Variants in NCOR2 observed in about 807,000 individuals in gnomAD.
NCOR2 encodes CTG repeat protein 26.
In NCOR2, 81 loss-of-function variants were observed where a neutral mutation model predicts 262.9. The observed-to-expected ratio is 0.31, with a 90% CI of 0.26 to 0.37. The LOEUF (loss-of-function observed/expected upper bound fraction) is 0.37, where lower values mean the gene tolerates loss of function less well. Among genes scored for constraint, NCOR2 ranks in the 10% least tolerant of loss-of-function variants. The pLI, the probability that NCOR2 is intolerant of heterozygous loss-of-function variation, is 1.00. For synonymous variants in NCOR2, 1,659 were observed against 1,559.3 expected, an observed-to-expected ratio of 1.06 and a Z score of -1.51; for missense variants, 3,385 against 3,621.4, an observed-to-expected ratio of 0.93 and a Z score of 1.68.
intron 3 of NCOR2, among the ~76,000 whole-genome samples, chr12:124,477,084 G>A (rs1472497303): frequency 2.0e-5 from 3 of 152,070 alleles, no homozygotes; most frequent in African/African-American, 7.2e-5. Context: ...TGGTTGCCAG[G>A]AAAAAGGAGG....
intron 43 of NCOR2, chr12:124,332,053 C>T (rs1209982222): frequency 2.2e-6 from 1 of 461,448 alleles, no homozygotes; most frequent in Non-Finnish European, 4.0e-6. Context: ...TCCCAGTATT[C>T]ATGCAGGTAT....
rs1555297277 is a variant in NCOR2, at chr12:124,325,386, C to CCT, written c.*15_*16insAG. Reference sequence around the variant, plus strand: ...GCTGGGACCTGACACCGCCCCCCCCCCCGCCCTGTTCTGAGTCACTCGCTG... The same window carrying CCT: ...GCTGGGACCTGACACCGCCCCCCCCCCTCCGCCCTGTTCTGAGTCACTCGCTG... On this transcript the variant is annotated 3_prime_UTR_variant, in exon 47 of 47. Transcript: ENST00000405201. 5.4e-5 allele frequency: 32 copies of CCT among 589,734 alleles called. 2 individuals carry two copies. The highest frequency in any genetic ancestry group is 7.7e-5 in the East Asian group (2 of 26,098). The allele number at this position is 589,734 out of a possible 1,614,324, so 36.5% of individuals were successfully genotyped here. A position where few individuals can be genotyped will look rare whatever the true frequency, so the allele number is the denominator to read the frequency against.
At chr12:124,416,226 T>TA (rs139443720) in intron 13 of NCOR2, among the ~76,000 whole-genome samples, 53 of 149,162 alleles carry the variant, frequency 3.6e-4, no homozygotes, top group East Asian at 2.0e-4. Flanking sequence ...TTTCACAGGG[T>TA]AAAAAAAAAC....
intron 13 of NCOR2, among the ~76,000 whole-genome samples, chr12:124,405,241 T>C (rs1039335253): frequency 6.6e-6 from 1 of 152,118 alleles, no homozygotes; most frequent in African/African-American, 2.4e-5. Flanking sequence ...TCCCACATGG[T>C]CTCCCCTACC....
At chr12:124,511,868 G>A (rs1369352484) in intron 1 of NCOR2, among the ~76,000 whole-genome samples, 2 of 152,162 alleles carry the variant, frequency 1.3e-5, no homozygotes, top group Admixed American at 6.5e-5. Flanking sequence ...ATTTCCTAGG[G>A]CTGCCATAAA....
chr12:124,333,974 A>G lies in NCOR2; in HGVS notation c.6605+450T>C, dbSNP rs539754590. 9.8e-3 allele frequency among the ~76,000 whole-genome samples: 1,395 copies of G among 142,546 alleles called. 15 individuals carry two copies. Among genetic ancestry groups the G allele is most frequent in the African/African-American group, 0.034 (1,301 of 37,978 alleles). The allele number at this position is 142,546 out of a possible 152,430, so 93.5% of individuals were successfully genotyped here. On this transcript the variant is annotated intron_variant, in intron 41 of 46. Coordinates refer to ENST00000405201, the Ensembl canonical transcript of NCOR2. ...TGCACGTGTGTGTGTGCGGGTGCGC[A>G]TGTGTGCGGGTGTGCATGTGTGTGT...
rs1176981359 is a variant in NCOR2 at position 124,481,501 on chromosome 12, G to T, written c.411+2095C>A. Among the ~76,000 whole-genome samples, 1 of 152,204 alleles carries T rather than the reference G, an allele frequency of 6.6e-6. No individual in the cohort carries two copies. The highest frequency in any genetic ancestry group is 1.5e-5 in the Non-Finnish European group (1 of 68,010). On this transcript the variant is annotated intron_variant, in intron 3 of 46. Coordinates refer to ENST00000405201, the Ensembl canonical transcript of NCOR2. This position sits in a 1 kb window ranked among gnomAD's most constrained non-coding sequence, Gnocchi z 4.6. ...CCTGCCATGCAGGCCCTGGAGGGCA[G>T]CCAGGGCTGGAAGGAGCGAGGAAAG...
intron 8 of NCOR2, among the ~76,000 whole-genome samples, chr12:124,433,718 C>T (rs1418982714): frequency 1.3e-5 from 2 of 152,202 alleles, no homozygotes; most frequent in South Asian, 2.1e-4. Flanking sequence ...CAGCGCAGGG[C>T]GGGCAGCTCC....
At chr12:124,565,177 T>G (rs2052195357) in intron 1 of NCOR2, among the ~76,000 whole-genome samples, 1 of 152,146 alleles carries the variant, frequency 6.6e-6, no homozygotes, top group Non-Finnish European at 1.5e-5. Context: ...CATGGATTTA[T>G]CAATAGTATT....
At chr12:124,390,043 T>A (rs2136140826) in intron 16 of NCOR2, among the ~76,000 whole-genome samples, 1 of 152,292 alleles carries the variant, frequency 6.6e-6, no homozygotes, top group South Asian at 2.1e-4. Flanking sequence ...AGAAGGCGTC[T>A]CTGGAATGTC....
intron 17 of NCOR2, among the ~76,000 whole-genome samples, chr12:124,384,355 A>G (rs947830442): frequency 1.3e-5 from 2 of 152,236 alleles, no homozygotes; most frequent in African/African-American, 4.8e-5. Flanking sequence ...GGCCCGAAGC[A>G]TCCAGAAGGA....
chr12:124,437,271 A>C (rs529649838), intron 8 of NCOR2, among the ~76,000 whole-genome samples: 2 of 152,288 alleles, frequency 1.3e-5, no homozygotes, highest in East Asian at 3.9e-4. Context: ...AGCTGGGAGA[A>C]TACTCAACCC....
In NCOR2 at chr12:124,486,950, G is replaced by A. The variant is rs536580585; in HGVS notation, c.106-382C>T. On this transcript the variant is annotated intron_variant, in intron 1 of 46. Transcript: ENST00000405201. ...GCCTCTGTCTGCCGGCCATGCTGGC[G>A]TTGACTGGGGGGCCAGAGTAGAGGA... Among the ~76,000 whole-genome samples, 75 of 152,308 alleles carry A rather than the reference G, an allele frequency of 4.9e-4. 1 individual carries two copies. In the South Asian group the frequency reaches 0.014, roughly 29 times the overall value.
At chr12:124,341,484 G>A (rs2036454664) in intron 34 of NCOR2, among the ~76,000 whole-genome samples, 1 of 152,128 alleles carries the variant, frequency 6.6e-6, no homozygotes, top group Non-Finnish European at 1.5e-5. Context: ...TTATCCACCT[G>A]CCTCGCCCTC....
intron 3 of NCOR2, among the ~76,000 whole-genome samples, chr12:124,475,230 G>A (rs904572063): frequency 1.3e-5 from 2 of 151,996 alleles, no homozygotes; most frequent in East Asian, 1.9e-4. Context: ...TCCCTCAATC[G>A]CCCCAATGCA....
intron 1 of NCOR2, among the ~76,000 whole-genome samples, chr12:124,550,151 CAG>C (rs1324022777): frequency 1.7e-4 from 15 of 86,820 alleles, no homozygotes; most frequent in Non-Finnish European, 2.2e-4. Context: ...GCCCCTGCAA[CAG>C]AGAGTGACCC....
rs2137250118 is a variant in NCOR2, at chr12:124,548,748, C to T, written c.-164-13137G>A. Among the ~76,000 whole-genome samples, 1 of 152,042 alleles carries T rather than the reference C, an allele frequency of 6.6e-6. No individual in the cohort carries two copies. Among genetic ancestry groups the T allele is most frequent in the South Asian group, 2.1e-4 (1 of 4,800 alleles). ...CATGACTGGCTCATGGCCTTTGGGA[C>T]AGTCCTACTCCATAAAAGTCACCCT... is the stretch of plus-strand genomic sequence containing the variant. On this transcript the variant is annotated intron_variant, in intron 1 of 32. Coordinates refer to the NCOR2 transcript ENST00000458234. This position sits in a 1 kb window ranked among gnomAD's most constrained non-coding sequence, Gnocchi z 5.1.
intron 1 of NCOR2, among the ~76,000 whole-genome samples, chr12:124,506,164 C>T (rs1181140682): frequency 2.0e-5 from 3 of 152,294 alleles, no homozygotes; most frequent in East Asian, 3.9e-4. Context: ...GCAGCAGACG[C>T]TCCAGTTCCA....
intron 44 of NCOR2, 126 bp downstream of exon 46, chr12:124,330,719 A>G (rs554743479): frequency 2.3e-4 from 247 of 1,066,984 alleles, no homozygotes; most frequent in Admixed American, 3.9e-4. Flanking sequence ...CGGTTAGTTC[A>G]TCCCAGAATG....
Sources: gnomAD v4.1 joint callset for allele counts (sites outside exome capture counted in the v4.1 genomes callset) on GRCh38, gnomAD v4.1.1 for gene constraint, Gnocchi (gnomAD v3.1) non-coding constraint, MANE v1.5 for transcripts, NCBI Gene and HGNC (gene_info 2026-07-23, HGNC 2026-07-21) for gene names.